Variants in NOTCH2 observed in about 807,000 individuals in gnomAD.
NOTCH2 encodes the protein notch receptor 2.
In NOTCH2, 29 loss-of-function variants were observed where a neutral mutation model predicts 235.8. The ratio of observed to expected loss-of-function variants is 0.12; its 90% confidence interval spans 0.09 to 0.17. NOTCH2 has a LOEUF of 0.17. Among genes scored for constraint, NOTCH2 ranks in the 10% least tolerant of loss-of-function variants. NOTCH2 has a pLI of 1.00. For synonymous variants in NOTCH2, 1,086 were observed against 1,141.5 expected (o/e 0.95, Z 0.98); for missense variants, 2,285 against 3,150.2 (o/e 0.73, Z 6.57).
intron 22 of NOTCH2, among the ~76,000 whole-genome samples, chr1:119,931,140 C>A (rs1441029492): frequency 6.7e-6 from 1 of 149,512 alleles, no homozygotes; most frequent in African/African-American, 2.4e-5. Flanking sequence ...GAAAACAGTT[C>A]TGTATGTATT....
At chr1:119,967,684 T>C (rs188735092) in intron 7 of NOTCH2, 63 bp from the exon 8 acceptor site, 20 of 1,406,404 alleles carry the variant, frequency 1.4e-5, no homozygotes, top group South Asian at 2.3e-5. Flanking sequence ...ATGTGAACAA[T>C]AGAAGAGCAT....
At chr1:120,009,623 T>G (rs1336557211) in intron 2 of NOTCH2, among the ~76,000 whole-genome samples, 1 of 152,000 alleles carries the variant, frequency 6.6e-6, no homozygotes, top group African/African-American at 2.4e-5. Context: ...AGAAACTGTT[T>G]TCTAAAAACA....
chr1:119,915,004 C>T lies in NOTCH2; in HGVS notation c.*302G>A, dbSNP rs1571144507. ...AGTCCAAGCTGCAAGAATGTCTGGG[C>T]TTCAATAAGCATCCATCTTATTCTC... On this transcript the variant is annotated 3_prime_UTR_variant, in exon 34 of 34. Coordinates refer to ENST00000256646, the MANE Select transcript of NOTCH2 (RefSeq NM_024408.4). 1.3e-5 allele frequency: 6 copies of T among 471,348 alleles called. No individual in the cohort carries two copies. The highest frequency in any genetic ancestry group is 6.4e-5 in the South Asian group (3 of 46,614). The allele number at this position is 471,348 out of a possible 1,614,324, so 29.2% of individuals were successfully genotyped here.
In NOTCH2 at chr1:119,911,802, ATC is replaced by A. The variant is rs1444621201; in HGVS notation, c.*3502_*3503del. The stretch of plus-strand genomic sequence containing the variant: ...GAAGGCACCTTGTCCCTGAGCAACC[ATC>A]TGTTTGTCACCAGCTATGGCTAGTG... On this transcript the variant is annotated 3_prime_UTR_variant, in exon 34 of 34. Coordinates refer to ENST00000256646, the MANE Select transcript of NOTCH2 (RefSeq NM_024408.4). The A allele has an allele frequency of 8.6e-6, 2 of 233,164 alleles. No individual in the cohort carries two copies. Among genetic ancestry groups the A allele is most frequent in the Non-Finnish European group, 1.7e-5 (2 of 118,056 alleles). The allele number at this position is 233,164 out of a possible 1,614,324, so 14.4% of individuals were successfully genotyped here.
chr1:120,032,998 G>C, intron 1 of NOTCH2, among the ~76,000 whole-genome samples: 1 of 147,724 alleles, frequency 6.8e-6, no homozygotes, highest in Admixed American at 6.8e-5. Context: ...ACTGAAAATA[G>C]AATCACCACA....
intron 2 of NOTCH2, among the ~76,000 whole-genome samples, chr1:120,027,620 T>G: frequency 6.8e-6 from 1 of 147,082 alleles, no homozygotes; most frequent in African/African-American, 2.5e-5. Flanking sequence ...ATGCTCTCCC[T>G]CCCCTTTCCC....
chr1:119,985,396 G>A (rs376281976), intron 5 of NOTCH2, among the ~76,000 whole-genome samples: 19 of 152,232 alleles, frequency 1.2e-4, no homozygotes, highest in South Asian at 8.3e-4. Context: ...GCGAAAAGAG[G>A]CATTTATTAA....
rs183438958 is a variant in NOTCH2, at chr1:120,065,297, C to T, written c.73+4037G>A. Among the ~76,000 whole-genome samples, 131 of 152,218 alleles carry T rather than the reference C, an allele frequency of 8.6e-4. 1 individual carries two copies. The East Asian group carries it at 0.018, about 21-fold the overall frequency. On this transcript the variant is annotated intron_variant, in intron 1 of 33. Coordinates refer to ENST00000256646, the MANE Select transcript of NOTCH2 (RefSeq NM_024408.4). ...AAGAAAATGGCTAAAAATAATTGTT[C>T]GACTGAACAAGTATTTATTGTGTGC...
At chr1:119,919,715 G>A in intron 30 of NOTCH2, 102 bp from the exon 31 acceptor site, 2 of 1,117,144 alleles carry the variant, frequency 1.8e-6, no homozygotes, top group East Asian at 5.1e-5. Flanking sequence ...TAGGGGCAAA[G>A]AATTCCCTGT....
rs76920886 is a variant in NOTCH2, at chr1:119,916,781, C to T, written c.6028-87G>A. 6.2e-4 allele frequency: 821 copies of T among 1,328,846 alleles called. 7 individuals are homozygous for T. The East Asian group carries it at 0.017, about 28-fold the overall frequency. 82.3% of individuals were successfully genotyped at this position (1,328,846 alleles called of 1,614,324 possible). A position where few individuals can be genotyped will look rare whatever the true frequency, so the allele number is the denominator to read the frequency against. On this transcript the variant is annotated intron_variant, in intron 33 of 33. Coordinates refer to ENST00000256646, the MANE Select transcript of NOTCH2 (RefSeq NM_024408.4). ...TCTCAATCTTTTTTATTATCACCCC[C>T]TTAGACATGTTTTCCTAATTATCTC...
rs1297282799 is a variant in NOTCH2 at position 119,915,645 on chromosome 1, G to C, written c.7077C>G (p.Pro2359=). Residue 2359 remains proline, a synonymous_variant, in exon 34 of 34, where the codon CCC becomes CCG. Coordinates refer to ENST00000256646, the MANE Select transcript of NOTCH2 (RefSeq NM_024408.4). The part of the protein sequence containing the change: ...PSVAFPTAMM[P]QQDGQVAQTI... The stretch of plus-strand genomic sequence containing the variant: ...TCTGAGCTACCTGCCCGTCCTGCTG[G>C]GGCATCATGGCAGTGGGGAAAGCCA... 3.7e-6 allele frequency: 6 copies of C among 1,614,090 alleles called. No homozygotes were observed. In the Middle Eastern group the frequency reaches 5.0e-4, roughly 133 times the overall value.
chr1:120,040,939 T>C (rs1553212641), intron 1 of NOTCH2, among the ~76,000 whole-genome samples: 1 of 142,476 alleles, frequency 7.0e-6, no homozygotes, highest in Non-Finnish European at 1.5e-5. Context: ...TACTAGGGAG[T>C]CTGAGGCAGG....
chr1:119,984,942 G>A (rs1390935711), intron 5 of NOTCH2, among the ~76,000 whole-genome samples: 1 of 152,130 alleles, frequency 6.6e-6, no homozygotes, highest in Non-Finnish European at 1.5e-5. Context: ...TGCCAAAAAT[G>A]ATGAGAAAAA....
At chr1:119,955,618 G>A (rs587713982) in intron 12 of NOTCH2, among the ~76,000 whole-genome samples, 265 of 152,192 alleles carry the variant, frequency 1.7e-3, no homozygotes, top group Non-Finnish European at 3.0e-3. Flanking sequence ...GCTTTGTGCC[G>A]GTTTAGCACA....
chr1:120,001,644 T>C (rs587744406), intron 3 of NOTCH2, among the ~76,000 whole-genome samples: 62 of 152,190 alleles, frequency 4.1e-4, no homozygotes, highest in African/African-American at 1.5e-3. Context: ...ACTTCTTCCA[T>C]TGTGAAAAGG....
chr1:119,950,546 G>A (rs1650431856), intron 15 of NOTCH2, 178 bp downstream of exon 15: 2 of 702,382 alleles, frequency 2.8e-6, no homozygotes, highest in East Asian at 2.7e-5. Context: ...TTGCATCTTA[G>A]GAGGCCACAA....
Position 119,968,180 on chromosome 1 carries a change from C to T in NOTCH2, c.1161G>A (p.Gly387=), listed in dbSNP as rs1228904553. ...TTAGGGGGTTGGTGTCACACAGTGC[C>T]CCCTTGTGGCAAGGATTGCTGATGC... ...DACISNPCHK[G]ALCDTNPLNG... Residue 387 remains glycine, a synonymous_variant, in exon 7 of 34, where the codon GGG becomes GGA. Coordinates refer to ENST00000256646, the MANE Select transcript of NOTCH2 (RefSeq NM_024408.4). 1 of 1,614,008 alleles carries T rather than the reference C, an allele frequency of 6.2e-7. No homozygotes were observed. The highest frequency in any genetic ancestry group is 8.5e-7 in the Non-Finnish European group (1 of 1,179,950).
intron 3 of NOTCH2, among the ~76,000 whole-genome samples, chr1:120,003,730 C>T (rs1350560019): frequency 2.6e-5 from 4 of 151,806 alleles, no homozygotes; most frequent in Non-Finnish European, 5.9e-5. Flanking sequence ...AAATGTGATA[C>T]ATAAAACTAA....
chr1:119,966,613 G>A (rs1158064505), intron 8 of NOTCH2, 124 bp from the exon 9 acceptor site: 29 of 740,476 alleles, frequency 3.9e-5, no homozygotes, highest in African/African-American at 3.6e-4. Context: ...AGAGAAAAAA[G>A]GAACTCTGCC....
Sources: allele counts gnomAD v4.1 joint callset (sites outside exome capture counted in the v4.1 genomes callset), GRCh38; gene constraint gnomAD v4.1.1; transcripts MANE v1.5; gene names NCBI Gene and HGNC (gene_info 2026-07-23, HGNC 2026-07-21).